The following CNKSR2 variants were observed in gnomAD, a reference collection of about 807,000 sequenced individuals.
CNKSR2 encodes the protein CNK homolog protein 2.
A neutral mutation model predicts 84.4 loss-of-function variants in CNKSR2; 14 were observed. The observed-to-expected ratio is 0.17, with a 90% confidence interval of 0.11 to 0.26. The LOEUF (loss-of-function observed/expected upper bound fraction) is 0.26. CNKSR2 is among the 10% of genes least tolerant of loss of function. The pLI is 1.00. For synonymous variants in CNKSR2, 275 were observed against 277.9 expected (o/e 0.99, Z 0.10); for missense variants, 485 against 771.2 (o/e 0.63, Z 4.40).
At chrX:21,383,078 C>T (rs1188844613) in intron 1 of CNKSR2, among the ~76,000 whole-genome samples, 1 of 111,895 alleles carries the variant, frequency 8.9e-6, no homozygotes, top group African/African-American at 3.2e-5. Flanking sequence ...TTGTAAAGAT[C>T]TTAATAGGCA....
chrX:21,547,902 C>T (rs1398709687), intron 11 of CNKSR2, among the ~76,000 whole-genome samples: 1 of 111,791 alleles, frequency 8.9e-6, no homozygotes, highest in Non-Finnish European at 1.9e-5. Context: ...CACAACGTAC[C>T]AGAATCTCTG....
intron 15 of CNKSR2, chrX:21,591,671 T>G (rs1308716911): frequency 2.7e-5 from 3 of 110,534 alleles, no homozygotes; most frequent in African/African-American, 9.9e-5. Flanking sequence ...GTAGACTAGT[T>G]TTGAAAATCT....
intron 3 of CNKSR2, among the ~76,000 whole-genome samples, chrX:21,433,383 T>A (rs2090661291): frequency 9.0e-6 from 1 of 111,681 alleles, no homozygotes; most frequent in African/African-American, 3.2e-5. Context: ...ATAAAAGTCT[T>A]GTAATATGAA....
chrX:21,551,959 A>G (rs1024326516), intron 11 of CNKSR2, among the ~76,000 whole-genome samples: 1 of 111,111 alleles, frequency 9.0e-6, no homozygotes, highest in Non-Finnish European at 1.9e-5. Context: ...TATTCTCTGG[A>G]CAGAAGTATT....
chrX:21,606,375 T>C (rs2092516939), intron 18 of CNKSR2, among the ~76,000 whole-genome samples: 1 of 112,069 alleles, frequency 8.9e-6, no homozygotes, highest in South Asian at 3.8e-4. Flanking sequence ...GCAATGTATG[T>C]ATTGCTTTTC....
intron 20 of CNKSR2, chrX:21,642,670 C>T: frequency 1.4e-6 from 1 of 722,876 alleles, no homozygotes. Context: ...TGTGGTATTG[C>T]ATAATGTGAA....
Sources: allele counts gnomAD v4.1 joint callset (sites outside exome capture counted in the v4.1 genomes callset), GRCh38; gene constraint gnomAD v4.1.1; transcripts MANE v1.5; gene names NCBI Gene and HGNC (gene_info 2026-07-23, HGNC 2026-07-21).